GALNT13: variants seen among roughly 807,000 people sequenced by gnomAD.
The protein encoded by GALNT13 is UDP-GalNAc:polypeptide N-acetylgalactosaminyltransferase 13.
In GALNT13, 28 loss-of-function variants were observed where a neutral mutation model predicts 64.2. The ratio of observed to expected loss-of-function variants is 0.44; its 90% CI spans 0.32 to 0.60. The LOEUF (loss-of-function observed/expected upper bound fraction) is 0.60, where lower values mean the gene tolerates loss of function less well. Ranked by LOEUF, GALNT13 falls within the 20% of genes least tolerant of loss-of-function variation. The pLI, the probability that GALNT13 is intolerant of heterozygous loss-of-function variation, is 0.05. For synonymous variants in GALNT13, 214 were observed against 224.6 expected (o/e 0.95, Z 0.42); for missense variants, 577 against 669.8 (o/e 0.86, Z 1.53).
chr2:153,706,848 G>A, the GALNT13 span, among the ~76,000 whole-genome samples: 106 of 152,216 alleles, frequency 7.0e-4, no homozygotes, highest in Non-Finnish European at 1.1e-3. Flanking sequence ...TAGACTTTCT[G>A]AATTGGTTTC....
chr2:154,042,402 GA>G (rs70981695), intron 3 of GALNT13, among the ~76,000 whole-genome samples: 33,244 of 137,514 alleles, frequency 0.24, 9,464 homozygotes, highest in Non-Finnish European at 0.37. Flanking sequence ...GTCAGTGGGG[GA>G]AAAAAAACTA....
At chr2:153,071,988 G>C in the GALNT13 span, among the ~76,000 whole-genome samples, 21 of 152,100 alleles carry the variant, frequency 1.4e-4, 1 homozygote, top group Non-Finnish European at 7.4e-5. Flanking sequence ...TAACTAGCTC[G>C]TCTCTGTTTC....
chr2:153,912,384 T>C (rs940544077), intron 2 of GALNT13, among the ~76,000 whole-genome samples: 8 of 152,198 alleles, frequency 5.3e-5, no homozygotes, highest in African/African-American at 1.9e-4. Context: ...TTCTTATCCT[T>C]ATTCTGAATT....
intron 3 of GALNT13, among the ~76,000 whole-genome samples, chr2:154,021,819 T>A (rs1288917366): frequency 6.7e-6 from 1 of 148,970 alleles, no homozygotes; most frequent in Non-Finnish European, 1.5e-5. Flanking sequence ...GCCCATTCAG[T>A]ATGATATTGG....
chr2:153,130,303 G>A, the GALNT13 span, among the ~76,000 whole-genome samples: 2 of 152,108 alleles, frequency 1.3e-5, no homozygotes, highest in Non-Finnish European at 2.9e-5. Flanking sequence ...CTGTTTGAGT[G>A]GTTTCCCATT....
At chr2:153,480,996 T>C in the GALNT13 span, among the ~76,000 whole-genome samples, 1 of 152,204 alleles carries the variant, frequency 6.6e-6, no homozygotes, top group African/African-American at 2.4e-5. Context: ...AGTGTTAAAA[T>C]GATCAAACCT....
the GALNT13 span, chr2:153,371,004 ATTTGT>A: frequency 4.7e-4 from 102 of 215,984 alleles, 1 homozygote; most frequent in Middle Eastern, 2.7e-3. Flanking sequence ...AGAAGAAGAC[ATTTGT>A]TTGACTGGCT....
At chr2:154,235,831 T>A (rs999571381) in intron 4 of GALNT13, among the ~76,000 whole-genome samples, 2 of 152,154 alleles carry the variant, frequency 1.3e-5, no homozygotes, top group African/African-American at 4.8e-5. Flanking sequence ...TTCAGTAGCT[T>A]ATCTGAAAAC....
intron 3 of GALNT13, among the ~76,000 whole-genome samples, chr2:154,116,924 G>A (rs987606472): frequency 1.3e-5 from 2 of 152,010 alleles, no homozygotes; most frequent in Admixed American, 6.6e-5. Flanking sequence ...AGTTTATTAC[G>A]TATTCACTCA....
the GALNT13 span, among the ~76,000 whole-genome samples, chr2:153,486,877 A>G: frequency 6.6e-6 from 1 of 152,174 alleles, no homozygotes; most frequent in Non-Finnish European, 1.5e-5. Flanking sequence ...ACTGCTTATA[A>G]TCTTCCATTT....
At chr2:154,182,324 A>G (rs1453637224) in intron 4 of GALNT13, among the ~76,000 whole-genome samples, 1 of 152,184 alleles carries the variant, frequency 6.6e-6, no homozygotes, top group African/African-American at 2.4e-5. Flanking sequence ...GAAAAGCATA[A>G]ATTGCTGTTT....
the GALNT13 span, among the ~76,000 whole-genome samples, chr2:153,654,909 T>C: frequency 6.6e-6 from 1 of 152,074 alleles, no homozygotes; most frequent in Non-Finnish European, 1.5e-5. Context: ...CCTTGCCACT[T>C]CCACACTAGA....
chr2:153,803,703 A>AAAAG, the GALNT13 span, among the ~76,000 whole-genome samples: 1 of 150,634 alleles, frequency 6.6e-6, no homozygotes, highest in African/African-American at 2.4e-5. Flanking sequence ...AAAAAAAAAA[A>AAAAG]AAAAAGAAAA....
chr2:154,127,713 T>G (rs1398972852), intron 3 of GALNT13, among the ~76,000 whole-genome samples: 1 of 149,176 alleles, frequency 6.7e-6, no homozygotes, highest in Non-Finnish European at 1.5e-5. Flanking sequence ...CACACACGTG[T>G]GTGTGTGTGG....
chr2:153,507,194 G>A, the GALNT13 span, among the ~76,000 whole-genome samples: 1 of 152,050 alleles, frequency 6.6e-6, no homozygotes, highest in Non-Finnish European at 1.5e-5. Flanking sequence ...TTGATTTCCA[G>A]AAGTTGTGAT....
chr2:153,800,447 T>G, the GALNT13 span, among the ~76,000 whole-genome samples: 1 of 152,104 alleles, frequency 6.6e-6, no homozygotes, highest in South Asian at 2.1e-4. Flanking sequence ...CTTCTTAAAA[T>G]AAGACAATAA....
the GALNT13 span, among the ~76,000 whole-genome samples, chr2:153,557,179 A>T: frequency 4.6e-3 from 693 of 152,262 alleles, 3 homozygotes; most frequent in Non-Finnish European, 6.9e-3. Flanking sequence ...GTGTTTAGAT[A>T]CACAGATACT....
the GALNT13 span, among the ~76,000 whole-genome samples, chr2:153,499,799 G>C: frequency 6.6e-6 from 1 of 152,234 alleles, no homozygotes; most frequent in African/African-American, 2.4e-5. Context: ...AGCTGGGAGA[G>C]GCCAGGCAGT....
chr2:153,211,002 A>T, the GALNT13 span, among the ~76,000 whole-genome samples: 2 of 152,206 alleles, frequency 1.3e-5, no homozygotes, highest in East Asian at 1.9e-4. Context: ...AGAGCATCTC[A>T]GAGAAGACTG....
Sources: allele counts gnomAD v4.1 joint callset (sites outside exome capture counted in the v4.1 genomes callset), GRCh38; gene constraint gnomAD v4.1.1; transcripts MANE v1.5; gene names NCBI Gene and HGNC (gene_info 2026-07-23, HGNC 2026-07-21).